The following DRAM1 variants were observed in gnomAD, a reference collection of about 807,000 sequenced individuals.
DRAM1 encodes the protein DNA damage-regulated autophagy modulator protein 1.
In DRAM1, 25 loss-of-function variants were observed where a neutral mutation model predicts 28.5. The ratio of observed to expected loss-of-function variants is 0.88; its 90% CI spans 0.64 to 1.23. The LOEUF is 1.23. DRAM1 is among the 50% of genes most tolerant of loss of function. DRAM1 has a pLI of 0.00. For synonymous variants in DRAM1, 113 were observed against 114.2 expected (o/e 0.99, Z 0.07); for missense variants, 249 against 299.2 (o/e 0.83, Z 1.24).
intron 1 of DRAM1, 87 bp downstream of exon 1, chr12:101,878,007 C>T (rs772810984): frequency 4.2e-5 from 57 of 1,349,476 alleles, no homozygotes; most frequent in Non-Finnish European, 5.3e-5. Context: ...GGCGTCCGGA[C>T]CCAGCTTGGG....
In DRAM1 at chr12:101,922,787, C is replaced by T. The variant is rs1441275903; in HGVS notation, c.*1527C>T. 1 of 152,132 alleles carries T rather than the reference C, an allele frequency of 6.6e-6. No individual in the cohort carries two copies. The highest frequency in any genetic ancestry group is 1.5e-5 in the Non-Finnish European group (1 of 68,024). 9.4% of individuals were successfully genotyped at this position (152,132 alleles called of 1,614,324 possible). A position where few individuals can be genotyped will look rare whatever the true frequency, so the allele number is the denominator to read the frequency against. ...TGAATGGAAGAGTTTGACAGAGATA[C>T]ACCTTTGTAAGAAAACATTAAGAAT... is the stretch of plus-strand genomic sequence containing the variant. On this transcript the variant is annotated 3_prime_UTR_variant, in exon 7 of 7. Transcript: ENST00000258534.
intron 4 of DRAM1, among the ~76,000 whole-genome samples, chr12:101,911,980 T>A (rs897347101): frequency 6.6e-6 from 1 of 152,016 alleles, no homozygotes; most frequent in African/African-American, 2.4e-5. Flanking sequence ...GGGCAGATCA[T>A]TTGAGGTCAG....
rs529514660 is a variant in DRAM1 at position 101,900,088 on chromosome 12, C to T, written c.200-1203C>T. Among the ~76,000 whole-genome samples, 3 of 152,246 alleles carry T rather than the reference C, an allele frequency of 2.0e-5. No homozygotes were observed. In the South Asian group the frequency reaches 6.2e-4, roughly 32 times the overall value. On this transcript the variant is annotated intron_variant, in intron 2 of 6. Transcript: ENST00000258534. Reference sequence around the variant, plus strand: ...TGTTTATGACTTAGTGTTGAGTTTACAACAGCCAACAAAACAGACAAGAGC... The same window carrying T: ...TGTTTATGACTTAGTGTTGAGTTTATAACAGCCAACAAAACAGACAAGAGC...
chr12:101,891,008 C>T (rs1281113750), intron 1 of DRAM1, among the ~76,000 whole-genome samples: 7 of 152,142 alleles, frequency 4.6e-5, no homozygotes, highest in Non-Finnish European at 1.5e-5. Flanking sequence ...CTCGGCCTCC[C>T]AAAGTGCTGG....
intron 1 of DRAM1, among the ~76,000 whole-genome samples, chr12:101,892,460 G>GA (rs1356884637): frequency 1.3e-5 from 2 of 150,120 alleles, no homozygotes; most frequent in African/African-American, 4.9e-5. Flanking sequence ...CACCATGTTG[G>GA]CCAGGCTGGT....
chr12:101,898,063 C>A, intron 2 of DRAM1, 133 bp downstream of exon 2: 1 of 539,392 alleles, frequency 1.9e-6, no homozygotes, highest in East Asian at 3.6e-5. Context: ...CTCTGTCATC[C>A]AGGCTGGAGT....
At chr12:101,897,337 CT>C (rs1208580224) in intron 1 of DRAM1, among the ~76,000 whole-genome samples, 1 of 151,744 alleles carries the variant, frequency 6.6e-6, no homozygotes, top group Non-Finnish European at 1.5e-5. Flanking sequence ...GTAGTTGGGA[CT>C]ACAGGCACCT....
intron 1 of DRAM1, among the ~76,000 whole-genome samples, chr12:101,886,327 T>TTGACTTC (rs1872887086): frequency 1.3e-5 from 2 of 152,334 alleles, no homozygotes; most frequent in South Asian, 4.1e-4. Flanking sequence ...GACAGGTTAC[T>TTGACTTC]TGACTTCTCT....
rs1262665416 is a variant in DRAM1, at chr12:101,923,217, T to C, written c.*1957T>C. The C allele has an allele frequency of 3.3e-5, 5 of 152,250 alleles. No homozygotes were observed. Among genetic ancestry groups the C allele is most frequent in the Non-Finnish European group, 7.3e-5 (5 of 68,036 alleles). 9.4% of individuals were successfully genotyped at this position (152,250 alleles called of 1,614,324 possible). A position where few individuals can be genotyped will look rare whatever the true frequency, so the allele number is the denominator to read the frequency against. ...CTGAAAGACAGTGATGAAAGCTATG[T>C]CAAGCATTCATTATTCTGAAGAGGA... On this transcript the variant is annotated 3_prime_UTR_variant, in exon 7 of 7. Transcript: ENST00000258534.
At chr12:101,912,107 G>A (rs1437033289) in intron 4 of DRAM1, among the ~76,000 whole-genome samples, 1 of 152,184 alleles carries the variant, frequency 6.6e-6, no homozygotes, top group African/African-American at 2.4e-5. Flanking sequence ...GCTGAGGCAG[G>A]AGAATCGCTT....
intron 5 of DRAM1, among the ~76,000 whole-genome samples, chr12:101,915,058 C>A (rs1874185768): frequency 6.6e-6 from 1 of 151,200 alleles, no homozygotes; most frequent in Admixed American, 6.6e-5. Context: ...TGACTCAGTG[C>A]AAGCTCTGCC....
Position 101,877,947 on chromosome 12 carries a change from C to A in DRAM1, c.131+27C>A. On this transcript the variant is annotated intron_variant, in intron 1 of 6. Transcript: ENST00000258534. This position sits in a 1 kb window ranked among gnomAD's most constrained non-coding sequence, Gnocchi z 4.1. ...TGAGTGGCAGGGTGGGCGTCAGGGC[C>A]CCAGGAGCAGGCACAGGGACCACAG... is the stretch of plus-strand genomic sequence containing the variant. 2 of 1,491,828 alleles carry A rather than the reference C, an allele frequency of 1.3e-6. No homozygotes were observed. Among genetic ancestry groups the A allele is most frequent in the South Asian group, 1.3e-5 (1 of 77,770 alleles). 92.4% of individuals were successfully genotyped at this position (1,491,828 alleles called of 1,614,324 possible).
At chr12:101,914,265 G>C (rs188940742) in intron 5 of DRAM1, 33 bp downstream of exon 5, 1 of 1,571,208 alleles carries the variant, frequency 6.4e-7, no homozygotes, top group African/African-American at 1.4e-5. Context: ...TGTGGTTGTC[G>C]GACGTGGTTA....
In DRAM1 at chr12:101,887,145, C is replaced by CAAAAAA. The variant is rs10654713; in HGVS notation, c.131+9236_131+9241dup. ...GGGCGACAAGAGTGAAACTCCGTTT[C>CAAAAAA]AAAAAAAAAAAAAAAATTGGTTAAA... On this transcript the variant is annotated intron_variant, in intron 1 of 6. Coordinates refer to ENST00000258534, the MANE Select transcript of DRAM1 (RefSeq NM_018370.3). Among the ~76,000 whole-genome samples the CAAAAAA allele has an allele frequency of 1.7e-3, 213 of 128,960 alleles. 9 individuals are homozygous for CAAAAAA. The highest frequency in any genetic ancestry group is 3.9e-3 in the Middle Eastern group (1 of 254). The allele number at this position is 128,960 out of a possible 152,430, so 84.6% of individuals were successfully genotyped here.
At position 101,877,682 on chromosome 12, in the gene DRAM1, C is replaced by T; in HGVS notation, c.-108C>T. On this transcript the variant is annotated 5_prime_UTR_variant, in exon 1 of 7. Coordinates refer to ENST00000258534, the MANE Select transcript of DRAM1 (RefSeq NM_018370.3). The surrounding 1 kb of genome is among the most constrained non-coding windows in gnomAD (Gnocchi z 4.1). ...CCCGGCCGTCGCGGAGCCTCCCCTCCCACCGTCCGTGAGTGTACGCGCCCG... is the reference window on the plus strand; with the variant it reads ...CCCGGCCGTCGCGGAGCCTCCCCTCTCACCGTCCGTGAGTGTACGCGCCCG... 2 of 839,268 alleles carry T rather than the reference C, an allele frequency of 2.4e-6. No homozygotes were observed. The highest frequency in any genetic ancestry group is 3.1e-6 in the Non-Finnish European group (2 of 637,898). The allele number at this position is 839,268 out of a possible 1,614,324, so 52.0% of individuals were successfully genotyped here. A position where few individuals can be genotyped will look rare whatever the true frequency, so the allele number is the denominator to read the frequency against.
chr12:101,911,625 C>A (rs1309333975), intron 4 of DRAM1, among the ~76,000 whole-genome samples: 3 of 152,132 alleles, frequency 2.0e-5, no homozygotes, highest in Non-Finnish European at 4.4e-5. Flanking sequence ...CAACATGGTA[C>A]CCACATGTGG....
chr12:101,885,748 G>A (rs1239615148), intron 1 of DRAM1, among the ~76,000 whole-genome samples: 1 of 151,844 alleles, frequency 6.6e-6, no homozygotes, highest in Non-Finnish European at 1.5e-5. Context: ...GGCTGGTCTC[G>A]AACTCCTGGC....
intron 4 of DRAM1, 93 bp from the exon 5 acceptor site, chr12:101,914,081 T>G (rs60930790): frequency 0.062 from 45,449 of 733,268 alleles, 4,030 homozygotes; most frequent in African/African-American, 0.29. Flanking sequence ...TTTTAACACC[T>G]TATAATGATT....
At chr12:101,916,679 C>T (rs2121166988) in intron 5 of DRAM1, among the ~76,000 whole-genome samples, 1 of 152,250 alleles carries the variant, frequency 6.6e-6, no homozygotes, top group African/African-American at 2.4e-5. Context: ...CCCCAAGGAT[C>T]AGGTGGAAGA....
Sources: gnomAD v4.1 joint callset for allele counts (sites outside exome capture counted in the v4.1 genomes callset) on GRCh38, gnomAD v4.1.1 for gene constraint, Gnocchi (gnomAD v3.1) non-coding constraint, MANE v1.5 for transcripts, NCBI Gene and HGNC (gene_info 2026-07-23, HGNC 2026-07-21) for gene names.